Variants in FBN2 observed in about 807,000 individuals in gnomAD.
FBN2 encodes fibrillin 2, also known as fibrillin-2.
Under a neutral mutation model 355.6 loss-of-function variants are expected in FBN2, and 105 were observed. That is an observed-to-expected ratio of 0.30 (90% confidence interval 0.25 to 0.35). FBN2 has a LOEUF of 0.35. Ranked by LOEUF, FBN2 falls within the 10% of genes least tolerant of loss-of-function variation. The pLI is 1.00. For missense variants in FBN2, 3,280 were observed against 3,758.7 expected, an observed-to-expected ratio of 0.87 and a Z score of 3.33; for synonymous variants, 1,350 against 1,301.2, an observed-to-expected ratio of 1.04 and a Z score of -0.81.
At chr5:128,280,606 T>C (rs1368223345) in intron 55 of FBN2, among the ~76,000 whole-genome samples, 1 of 152,108 alleles carries the variant, frequency 6.6e-6, no homozygotes, top group Non-Finnish European at 1.5e-5. Flanking sequence ...AGGAATAGAA[T>C]TGCCCTGAGA....
chr5:128,439,223 G>C (rs1561457542), intron 7 of FBN2, among the ~76,000 whole-genome samples: 2 of 152,150 alleles, frequency 1.3e-5, no homozygotes, highest in East Asian at 3.9e-4. Flanking sequence ...ATCATTTCTT[G>C]ATTATGAGTA....
chr5:128,490,397 C>T (rs533791474), intron 5 of FBN2, among the ~76,000 whole-genome samples: 7 of 152,234 alleles, frequency 4.6e-5, no homozygotes, highest in African/African-American at 1.7e-4. Flanking sequence ...AAGTGCAAAG[C>T]GAACAAAGAT....
At chr5:128,494,172 A>G (rs62391643) in intron 5 of FBN2, among the ~76,000 whole-genome samples, 24,142 of 152,148 alleles carry the variant, frequency 0.16, 2,296 homozygotes, top group Non-Finnish European at 0.23. Context: ...AAGATAGACC[A>G]TTGTCTCCGC....
intron 62 of FBN2, 127 bp from the exon 63 acceptor site, chr5:128,263,783 T>C (rs1004817279): frequency 1.5e-6 from 1 of 661,070 alleles, no homozygotes; most frequent in East Asian, 2.7e-5. Flanking sequence ...TTTTATTTTA[T>C]TCTGACGACT....
At chr5:128,374,523 T>G (rs551879060) in intron 15 of FBN2, 105 bp downstream of exon 15, 12 of 1,462,820 alleles carry the variant, frequency 8.2e-6, no homozygotes, top group Non-Finnish European at 1.1e-5. Flanking sequence ...TGTTTTAGCA[T>G]GTACTCTTCT....
intron 6 of FBN2, among the ~76,000 whole-genome samples, chr5:128,458,417 A>C (rs1754464522): frequency 2.0e-5 from 3 of 146,394 alleles, no homozygotes; most frequent in Middle Eastern, 3.5e-3. Flanking sequence ...GGAAATTAAC[A>C]AAAATATTCA....
chr5:128,469,353 AC>A (rs1754794280), intron 5 of FBN2, among the ~76,000 whole-genome samples: 1 of 151,930 alleles, frequency 6.6e-6, no homozygotes, highest in South Asian at 2.1e-4. Flanking sequence ...AACAGGTGAA[AC>A]CCTGTCTCTA....
intron 5 of FBN2, among the ~76,000 whole-genome samples, chr5:128,510,034 A>T (rs1328712506): frequency 6.6e-6 from 1 of 152,182 alleles, no homozygotes; most frequent in Non-Finnish European, 1.5e-5. Flanking sequence ...TGTAGATGTC[A>T]CAAGTTCTCT....
At chr5:128,292,352 G>A (rs1053719669) in intron 48 of FBN2, among the ~76,000 whole-genome samples, 2 of 151,604 alleles carry the variant, frequency 1.3e-5, no homozygotes, top group African/African-American at 2.4e-5. Context: ...ATTTTTCGTC[G>A]TTTTTTTTGT....
intron 5 of FBN2, among the ~76,000 whole-genome samples, chr5:128,492,695 C>T (rs1434586544): frequency 1.3e-5 from 2 of 148,298 alleles, no homozygotes; most frequent in African/African-American, 2.5e-5. Context: ...CCCAGCTACT[C>T]GGGAGGCTGA....
At chr5:128,483,981 A>G (rs1012943067) in intron 5 of FBN2, among the ~76,000 whole-genome samples, 30 of 152,196 alleles carry the variant, frequency 2.0e-4, no homozygotes, top group African/African-American at 7.2e-4. Context: ...ATGGAAGTCT[A>G]TGATGGATTG....
intron 3 of FBN2, among the ~76,000 whole-genome samples, 163 bp from the exon 4 acceptor site, chr5:128,528,130 A>G (rs530515156): frequency 2.6e-5 from 4 of 152,354 alleles, no homozygotes; most frequent in Admixed American, 2.0e-4. Flanking sequence ...TCATTTCTTT[A>G]TAAGTGCACA....
At chr5:128,348,722 T>C (rs542063201) in intron 23 of FBN2, among the ~76,000 whole-genome samples, 1 of 152,238 alleles carries the variant, frequency 6.6e-6, no homozygotes, top group African/African-American at 2.4e-5. Context: ...TATTGTTACA[T>C]ACAATGAAAA....
chr5:128,269,467 A>C (rs182655084), intron 62 of FBN2, among the ~76,000 whole-genome samples: 2 of 151,540 alleles, frequency 1.3e-5, no homozygotes, highest in African/African-American at 4.8e-5. Flanking sequence ...CCAAAAAAAA[A>C]ACAAAAACCC....
chr5:128,509,317 G>T (rs1756048775), intron 5 of FBN2, among the ~76,000 whole-genome samples: 1 of 151,872 alleles, frequency 6.6e-6, no homozygotes, highest in Admixed American at 6.6e-5. Flanking sequence ...AATTTCTGTT[G>T]CTATGTTTTC....
chr5:128,293,205 T>C (rs541745129), intron 48 of FBN2, among the ~76,000 whole-genome samples: 25 of 152,274 alleles, frequency 1.6e-4, no homozygotes, highest in African/African-American at 5.8e-4. Context: ...CTGAAGAAAA[T>C]CTTACAGTGA....
intron 62 of FBN2, among the ~76,000 whole-genome samples, chr5:128,266,854 TAA>T (rs1765126891): frequency 6.6e-6 from 1 of 151,590 alleles, no homozygotes; most frequent in African/African-American, 2.4e-5. Flanking sequence ...TTTATTTATT[TAA>T]ATTTTACTTT....
intron 46 of FBN2, 112 bp from the exon 47 acceptor site, chr5:128,301,622 AT>A: frequency 9.9e-7 from 1 of 1,008,990 alleles, no homozygotes; most frequent in Non-Finnish European, 1.6e-6. Context: ...GAAATCCCAT[AT>A]TACAACTCCT....
At chr5:128,383,308 T>C (rs1043488908) in intron 11 of FBN2, among the ~76,000 whole-genome samples, 9 of 151,926 alleles carry the variant, frequency 5.9e-5, no homozygotes, top group Non-Finnish European at 2.9e-5. Context: ...ATAAACTTCA[T>C]ACAATATTAA....
Sources: gnomAD v4.1 joint callset for allele counts (sites outside exome capture counted in the v4.1 genomes callset) on GRCh38, gnomAD v4.1.1 for gene constraint, MANE v1.5 for transcripts, NCBI Gene and HGNC (gene_info 2026-07-23, HGNC 2026-07-21) for gene names.